CEACAM21: variants seen among roughly 807,000 people sequenced by gnomAD.
CEACAM21 encodes the protein cell adhesion molecule CEACAM21.
Under a neutral mutation model 33.2 loss-of-function variants are expected in CEACAM21, and 38 were observed. The ratio of observed to expected loss-of-function variants is 1.14; its 90% CI spans 0.88 to 1.50. The LOEUF is 1.50. Ranked by LOEUF, CEACAM21 falls within the 40% of genes most tolerant of loss-of-function variation. The pLI, the probability that CEACAM21 is intolerant of heterozygous loss-of-function variation, is 0.00. For synonymous variants in CEACAM21, 156 were observed against 143.0 expected (o/e 1.09, Z -0.65); for missense variants, 385 against 364.6 (o/e 1.06, Z -0.46).
At position 41,585,891 on chromosome 19, in the gene CEACAM21, A is replaced by G; in HGVS notation, c.*20A>G. On this transcript the variant is annotated intron_variant, in intron 6 of 6. Coordinates refer to ENST00000401445, the MANE Select transcript of CEACAM21 (RefSeq NM_001098506.4). ...TCCTAGGTAAGACTGTCCGTTCCCA[A>G]TCCCATTTCCACTGGGGCCCCAGCT... 4 of 1,612,002 alleles carry G rather than the reference A, an allele frequency of 2.5e-6. No individual in the cohort carries two copies. The highest frequency in any genetic ancestry group is 1.6e-4 in the Middle Eastern group (1 of 6,062).
chr19:41,569,590 C>A (rs1555789002), intron 2 of CEACAM21, among the ~76,000 whole-genome samples: 1 of 152,056 alleles, frequency 6.6e-6, no homozygotes, highest in Non-Finnish European at 1.5e-5. Context: ...ATACTGCCCC[C>A]CAAGGAGGAG....
upstream of CEACAM21, among the ~76,000 whole-genome samples, chr19:41,573,270 T>C (rs138789296): frequency 1.5e-4 from 23 of 152,296 alleles, no homozygotes; most frequent in East Asian, 9.7e-4. Context: ...GAATCCTCAG[T>C]TGGGGAGCCA....
intron 3 of CEACAM21, among the ~76,000 whole-genome samples, chr19:41,580,412 T>G (rs1348841965): frequency 6.6e-6 from 1 of 152,098 alleles, no homozygotes; most frequent in Non-Finnish European, 1.5e-5. Context: ...CCTGGACATA[T>G]CAGCAGAGGG....
chr19:41,581,697 A>G (rs1269265965), intron 3 of CEACAM21, among the ~76,000 whole-genome samples: 1 of 152,092 alleles, frequency 6.6e-6, no homozygotes, highest in East Asian at 1.9e-4. Flanking sequence ...TGTGTAGAGG[A>G]ACTCCCCTTT....
intron 2 of CEACAM21, among the ~76,000 whole-genome samples, chr19:41,578,289 A>G (rs1195863528): frequency 6.8e-6 from 1 of 147,664 alleles, no homozygotes; most frequent in Non-Finnish European, 1.5e-5. Context: ...ACCAGGAATC[A>G]GGCCCAGAGA....
intron 1 of CEACAM21, among the ~76,000 whole-genome samples, chr19:41,559,857 C>T (rs2041767462): frequency 6.6e-6 from 1 of 152,168 alleles, no homozygotes; most frequent in Non-Finnish European, 1.5e-5. Flanking sequence ...GCTTGTAGTC[C>T]TAGCTACTGG....
At chr19:41,564,362 A>G (rs1024866593) in intron 1 of CEACAM21, among the ~76,000 whole-genome samples, 19 of 136,640 alleles carry the variant, frequency 1.4e-4, no homozygotes, top group South Asian at 4.5e-4. Flanking sequence ...TTATTTATTT[A>G]TTTATTATTT....
At chr19:41,562,953 C>T (rs1337674012) in intron 1 of CEACAM21, among the ~76,000 whole-genome samples, 6 of 152,134 alleles carry the variant, frequency 3.9e-5, no homozygotes, top group Admixed American at 3.3e-4. Flanking sequence ...TGGTCTCGAT[C>T]TCCTGACCTC....
Position 41,585,533 on chromosome 19 carries a change from C to T in CEACAM21, c.850+38C>T, listed in dbSNP as rs369926243. On this transcript the variant is annotated intron_variant, in intron 5 of 6. Transcript: ENST00000401445. ...TCAGTCTGGGTGTGGCTGGGAACTA[C>T]TAAGCCAGCCCCAAGTTGTCCACTC... The T allele has an allele frequency of 5.0e-6, 8 of 1,607,960 alleles. No individual in the cohort carries two copies. In the African/African-American group the frequency reaches 8.0e-5, roughly 16 times the overall value.
At chr19:41,557,809 A>G (rs1266206926) in intron 1 of CEACAM21, among the ~76,000 whole-genome samples, 1 of 152,196 alleles carries the variant, frequency 6.6e-6, no homozygotes, top group Non-Finnish European at 1.5e-5. Flanking sequence ...TAGGTTATTC[A>G]GTGCTGGTAC....
intron 1 of CEACAM21, among the ~76,000 whole-genome samples, chr19:41,564,006 G>T (rs1220995517): frequency 1.3e-5 from 2 of 152,230 alleles, no homozygotes; most frequent in Non-Finnish European, 2.9e-5. Flanking sequence ...AATCTGCAGG[G>T]CCTCTGGTAC....
chr19:41,579,521 T>C lies in CEACAM21; in HGVS notation c.593T>C (p.Val198Ala), dbSNP rs2043208558. Residue 198 changes from valine (V) to alanine (A), a missense_variant, in exon 3 of 7, where the codon GTG (valine) becomes GCG (alanine). Physicochemically the swap from Val to Ala is moderately conservative, Grantham distance 64. Coordinates refer to ENST00000401445, the MANE Select transcript of CEACAM21 (RefSeq NM_001098506.4). ...ATGAAGCTGTCCTGGTTTAACCATG[T>C]GCTCACCATAGACCCCATCAGGCAG... is the stretch of plus-strand genomic sequence containing the variant. ...KRMKLSWFNH[V>A]LTIDPIRQED... The C allele has an allele frequency of 6.2e-7, 1 of 1,613,556 alleles. No individual in the cohort carries two copies. Among genetic ancestry groups the C allele is most frequent in the Non-Finnish European group, 8.5e-7 (1 of 1,179,654 alleles).
At chr19:41,574,509 A>G (rs1436312524), upstream of CEACAM21, among the ~76,000 whole-genome samples, 1 of 151,952 alleles carries the variant, frequency 6.6e-6, no homozygotes, top group East Asian at 1.9e-4. Flanking sequence ...AAGATAACCC[A>G]TTTTTTTTAA....
intron 1 of CEACAM21, among the ~76,000 whole-genome samples, chr19:41,576,983 C>A (rs781949766): frequency 1.8e-4 from 28 of 152,140 alleles, no homozygotes; most frequent in Non-Finnish European, 3.1e-4. Flanking sequence ...GGGGAGGGAA[C>A]CATGCAGACC....
Position 41,585,496 on chromosome 19 carries a change from G to C in CEACAM21, c.850+1G>C. On this transcript the variant is annotated splice_donor_variant, in intron 5 of 6. Coordinates refer to ENST00000401445, the MANE Select transcript of CEACAM21 (RefSeq NM_001098506.4). LOFTEE classifies it high-confidence loss of function. The stretch of plus-strand genomic sequence containing the variant: ...CAGCAGCCCCCAGCCTCCACCCCCG[G>C]TGAGTGTCCCTTCAGTCTGGGTGTG... 6.2e-7 allele frequency: 1 copy of C among 1,613,736 alleles called. No homozygotes were observed.
At chr19:41,551,177 T>A (rs1051336304) in intron 1 of CEACAM21, 2 of 150,484 alleles carry the variant, frequency 1.3e-5, no homozygotes, top group African/African-American at 2.4e-5. Flanking sequence ...TTTTTTTTTT[T>A]AGATGTAGTT....
intron 2 of CEACAM21, among the ~76,000 whole-genome samples, chr19:41,570,339 C>T (rs2042523156): frequency 6.6e-6 from 1 of 152,134 alleles, no homozygotes; most frequent in Non-Finnish European, 1.5e-5. Flanking sequence ...ATATGGCTGG[C>T]AACCCTGGAT....
In CEACAM21 at chr19:41,576,312, T is replaced by A. The variant is rs199766514; in HGVS notation, c.38T>A (p.Ile13Asn). ...PPSACPHREC[I>N]PWQGLLLTAS... ...TCAGCTTGTCCCCACAGAGAATGCA[T>A]CCCCTGGCAGGGGCTCTTGCTCACA... is the stretch of plus-strand genomic sequence containing the variant. The change falls in exon 1 of 7, where the codon ATC becomes AAC. Residue 13 changes from isoleucine to asparagine, a missense_variant. Transcript: ENST00000401445. The A allele has an allele frequency of 3.5e-5, 57 of 1,612,588 alleles. No individual in the cohort carries two copies. The East Asian group carries it at 1.2e-3, about 33-fold the overall frequency.
rs572092506 is a variant in CEACAM21, at chr19:41,586,307, G to A, written c.*1-157G>A. 17 of 553,802 alleles carry A rather than the reference G, an allele frequency of 3.1e-5. No individual in the cohort carries two copies. In the East Asian group the frequency reaches 7.5e-4, roughly 25 times the overall value. 34.3% of individuals were successfully genotyped at this position (553,802 alleles called of 1,614,324 possible). A position where few individuals can be genotyped will look rare whatever the true frequency, so the allele number is the denominator to read the frequency against. ...TCAGGAAACTGCAGTGAAAATAACAGGAGGTGGTGAGCAGAGGAGGGAGGG... is the reference window on the plus strand; with the variant it reads ...TCAGGAAACTGCAGTGAAAATAACAAGAGGTGGTGAGCAGAGGAGGGAGGG... On this transcript the variant is annotated intron_variant, in intron 6 of 6. Coordinates refer to ENST00000401445, the MANE Select transcript of CEACAM21 (RefSeq NM_001098506.4).
Sources: gnomAD v4.1 joint callset for allele counts (sites outside exome capture counted in the v4.1 genomes callset) on GRCh38, gnomAD v4.1.1 for gene constraint, MANE v1.5 for transcripts, NCBI Gene and HGNC (gene_info 2026-07-23, HGNC 2026-07-21) for gene names.